EYS: variants seen among roughly 807,000 people sequenced by gnomAD.
EYS encodes the protein protein eyes shut homolog.
Under a neutral mutation model 282.1 loss-of-function variants are expected in EYS, and 250 were observed. That is an observed-to-expected ratio of 0.89 (90% confidence interval 0.80 to 0.98). EYS has a LOEUF of 0.98. Among genes scored for constraint, EYS ranks in the 50% least tolerant of loss-of-function variants. The probability of loss-of-function intolerance (pLI) is 0.00; values close to 1 mark genes in which losing one functional copy is unlikely to be tolerated. For missense variants in EYS, 4,016 were observed against 3,709.0 expected (o/e 1.08, Z -2.15); for synonymous variants, 1,355 against 1,282.9 (o/e 1.06, Z -1.20).
At chr6:65,590,829 A>T (rs918219961) in intron 2 of EYS, among the ~76,000 whole-genome samples, 1 of 151,874 alleles carries the variant, frequency 6.6e-6, no homozygotes, top group African/African-American at 2.4e-5. Flanking sequence ...TTATGGCTGC[A>T]TAATATTACA....
At chr6:63,872,419 C>T (rs1772831397) in intron 35 of EYS, among the ~76,000 whole-genome samples, 2 of 149,960 alleles carry the variant, frequency 1.3e-5, no homozygotes, top group Admixed American at 6.7e-5. Flanking sequence ...TTCCTTGGAG[C>T]ACTGTTTCTC....
chr6:64,343,115 TA>T (rs1183475335), intron 29 of EYS, among the ~76,000 whole-genome samples: 5 of 152,140 alleles, frequency 3.3e-5, no homozygotes, highest in African/African-American at 1.2e-4. Flanking sequence ...TGGGAGACTT[TA>T]ACACCCCACT....
At chr6:63,813,272 G>A (rs964284831) in intron 36 of EYS, among the ~76,000 whole-genome samples, 2 of 152,276 alleles carry the variant, frequency 1.3e-5, no homozygotes, top group South Asian at 2.1e-4. Context: ...GAGCCACCAG[G>A]CCTGGCCCAA....
At chr6:65,437,387 T>C (rs1768115242) in intron 5 of EYS, among the ~76,000 whole-genome samples, 1 of 152,138 alleles carries the variant, frequency 6.6e-6, no homozygotes, top group Non-Finnish European at 1.5e-5. Flanking sequence ...AACTCTTAGA[T>C]GATAGTTGAA....
intron 5 of EYS, among the ~76,000 whole-genome samples, chr6:65,441,056 AGATT>A (rs1239186727): frequency 6.8e-6 from 1 of 146,362 alleles, no homozygotes; most frequent in African/African-American, 2.6e-5. Context: ...AAAAATAATA[AGATT>A]AATTAATTAA....
chr6:64,663,884 C>T (rs553895740), intron 22 of EYS, among the ~76,000 whole-genome samples: 5 of 152,194 alleles, frequency 3.3e-5, no homozygotes, highest in Admixed American at 2.6e-4. Context: ...CCCTGGGTCA[C>T]GGAAGAGAAC....
At chr6:64,293,078 C>T (rs377349483) in intron 30 of EYS, among the ~76,000 whole-genome samples, 1 of 151,824 alleles carries the variant, frequency 6.6e-6, no homozygotes, top group Non-Finnish European at 1.5e-5. Context: ...GAGACTATAA[C>T]AAAAACTATG....
chr6:64,414,756 T>C (rs1774011638), intron 28 of EYS, among the ~76,000 whole-genome samples: 1 of 152,168 alleles, frequency 6.6e-6, no homozygotes, highest in Admixed American at 6.6e-5. Flanking sequence ...GCCCGTTGCT[T>C]TTCAAACAAT....
rs187225735 is a variant in EYS at position 63,964,815 on chromosome 6, A to G, written c.7055+19568T>C. ...CTTTATTGCTTATGATTTAACAGAC[A>G]AGTAAAGTGACAATTTCAGGCTACA... On this transcript the variant is annotated intron_variant, in intron 35 of 42. Coordinates refer to ENST00000503581, the MANE Select transcript of EYS (RefSeq NM_001142800.2). Among the ~76,000 whole-genome samples the G allele has an allele frequency of 1.4e-3, 214 of 152,336 alleles. 2 individuals carry two copies. The Middle Eastern group carries it at 0.031, about 22-fold the overall frequency.
intron 19 of EYS, among the ~76,000 whole-genome samples, chr6:64,837,386 G>A (rs1368669874): frequency 6.6e-6 from 1 of 151,136 alleles, no homozygotes; most frequent in Non-Finnish European, 1.5e-5. Context: ...CGAAAGGGGG[G>A]AAAATTGAAA....
intron 12 of EYS, among the ~76,000 whole-genome samples, chr6:65,267,234 A>G (rs989348105): frequency 3.9e-5 from 6 of 151,940 alleles, no homozygotes; most frequent in African/African-American, 7.2e-5. Flanking sequence ...TCTCAGTTAT[A>G]TAATATTTTT....
chr6:64,824,146 T>A (rs545667082), intron 19 of EYS, among the ~76,000 whole-genome samples: 1 of 152,034 alleles, frequency 6.6e-6, no homozygotes, highest in African/African-American at 2.4e-5. Context: ...GATATTGACA[T>A]CTGTGTTTAA....
intron 12 of EYS, among the ~76,000 whole-genome samples, chr6:65,161,476 A>G (rs1483696963): frequency 6.6e-6 from 1 of 151,050 alleles, no homozygotes; most frequent in Non-Finnish European, 1.5e-5. Context: ...AATTTTATTT[A>G]TAGAATCTTC....
At chr6:64,004,608 C>T (rs1056065050) in intron 33 of EYS, among the ~76,000 whole-genome samples, 3 of 152,074 alleles carry the variant, frequency 2.0e-5, no homozygotes, top group Admixed American at 6.6e-5. Flanking sequence ...CATCATCCTC[C>T]CACCCTCCAC....
At chr6:65,082,949 A>G (rs1239960314) in intron 12 of EYS, among the ~76,000 whole-genome samples, 2 of 152,032 alleles carry the variant, frequency 1.3e-5, no homozygotes, top group Non-Finnish European at 2.9e-5. Context: ...AGATAAAAGA[A>G]TGCAGATGGG....
At chr6:65,576,879 A>G (rs1214640979) in intron 2 of EYS, among the ~76,000 whole-genome samples, 2 of 151,808 alleles carry the variant, frequency 1.3e-5, no homozygotes, top group East Asian at 1.9e-4. Context: ...AAGACTTTGT[A>G]TACTGAAAAC....
intron 31 of EYS, among the ~76,000 whole-genome samples, chr6:64,110,222 C>A (rs1773161564): frequency 6.6e-6 from 1 of 151,926 alleles, no homozygotes; most frequent in Admixed American, 6.6e-5. Flanking sequence ...TTCTTACTCC[C>A]TCTTTCTACA....
chr6:64,262,121 C>T (rs1767610146), intron 30 of EYS, among the ~76,000 whole-genome samples: 1 of 151,948 alleles, frequency 6.6e-6, no homozygotes, highest in Non-Finnish European at 1.5e-5. Flanking sequence ...TAATTATGAT[C>T]TAAGTTTCCT....
At chr6:65,628,778 G>A (rs557607392) in intron 2 of EYS, among the ~76,000 whole-genome samples, 3 of 152,104 alleles carry the variant, frequency 2.0e-5, no homozygotes, top group Admixed American at 1.3e-4. Flanking sequence ...CTCCAGACGC[G>A]CCACCTTAAG....
Sources: allele counts gnomAD v4.1 joint callset (sites outside exome capture counted in the v4.1 genomes callset), GRCh38; gene constraint gnomAD v4.1.1; transcripts MANE v1.5; gene names NCBI Gene and HGNC (gene_info 2026-07-23, HGNC 2026-07-21).